The following PIK3R1 variants were observed in gnomAD, a reference collection of about 807,000 sequenced individuals.
PIK3R1 encodes phosphoinositide-3-kinase regulatory subunit 1.
In PIK3R1, 29 loss-of-function variants were observed where a neutral mutation model predicts 98.0. The observed-to-expected ratio is 0.30, with a 90% confidence interval of 0.22 to 0.40. PIK3R1 has a LOEUF of 0.40. Among genes scored for constraint, PIK3R1 ranks in the 10% least tolerant of loss-of-function variants. The pLI is 1.00. For synonymous variants in PIK3R1, 282 were observed against 311.8 expected, an observed-to-expected ratio of 0.90 and a Z score of 1.01; for missense variants, 596 against 872.7, an observed-to-expected ratio of 0.68 and a Z score of 3.99.
rs758102357 is a variant in PIK3R1 at position 68,293,161 on chromosome 5, G to A, written c.1080G>A (p.Ala360=). 2.5e-5 allele frequency: 40 copies of A among 1,613,756 alleles called. No homozygotes were observed. The highest frequency in any genetic ancestry group is 6.6e-5 in the South Asian group (6 of 91,050). ...TADGTFLVRD[A]STKMHGDYTL... ...ACGGGACCTTTTTGGTACGAGATGC[G>A]TCTACTAAAATGCATGGTGATTATA... Residue 360 remains alanine (A), a synonymous_variant, in exon 9 of 16, where the codon GCG becomes GCA. Coordinates refer to ENST00000521381, the MANE Select transcript of PIK3R1 (RefSeq NM_181523.3).
chr5:68,280,899 G>C (rs780162822), intron 6 of PIK3R1, 28 bp from the exon 7 acceptor site: 18 of 1,487,188 alleles, frequency 1.2e-5, no homozygotes, highest in African/African-American at 2.8e-5. Flanking sequence ...TTAGGGAAAA[G>C]GTTTCTAATA....
chr5:68,293,291 T>C lies in PIK3R1; in HGVS notation c.1119-12T>C. 6.2e-7 allele frequency: 1 copy of C among 1,605,394 alleles called. No homozygotes were observed. The highest frequency in any genetic ancestry group is 8.5e-7 in the Non-Finnish European group (1 of 1,173,600). On this transcript the variant is annotated splice_polypyrimidine_tract_variant and intron_variant, in intron 9 of 15. Transcript: ENST00000521381. ...AAATGTTAATACCTTTATTTTTATA[T>C]TGTTTTTACAGGAAAGGGGGAAATA...
intron 8 of PIK3R1, chr5:68,292,637 CTCTA>C (rs1747457815): frequency 4.3e-6 from 6 of 1,394,382 alleles, no homozygotes; most frequent in Middle Eastern, 2.2e-4. Context: ...TGTGAAGGCA[CTCTA>C]TCTATTAAGC....
chr5:68,223,169 A>C (rs996361740), intron 1 of PIK3R1, among the ~76,000 whole-genome samples: 2 of 145,082 alleles, frequency 1.4e-5, no homozygotes, highest in African/African-American at 5.3e-5. Flanking sequence ...CATCATCATC[A>C]CCCAATACTT....
At chr5:68,263,085 A>G (rs1369906343) in intron 2 of PIK3R1, among the ~76,000 whole-genome samples, 1 of 140,166 alleles carries the variant, frequency 7.1e-6, no homozygotes, top group African/African-American at 2.6e-5. Flanking sequence ...ACATATATAC[A>G]TGTAGATACA....
Position 68,215,814 on chromosome 5 carries a change from T to C in PIK3R1, c.-522T>C. ...AGCGGCAGCGGCGAGGGCGGCAGGC[T>C]AGCTGTCGGAGACGGCAAGCACGGA... On this transcript the variant is annotated 5_prime_UTR_variant, in exon 1 of 16. Transcript: ENST00000521381. 6.6e-6 allele frequency: 1 copy of C among 152,650 alleles called. No homozygotes were observed. Among genetic ancestry groups the C allele is most frequent in the Non-Finnish European group, 1.5e-5 (1 of 68,526 alleles). The allele number at this position is 152,650 out of a possible 1,614,324, so 9.5% of individuals were successfully genotyped here. A position where few individuals can be genotyped will look rare whatever the true frequency, so the allele number is the denominator to read the frequency against.
rs1743988813 is a variant in PIK3R1 at position 68,218,713 on chromosome 5, T to A, written c.-387+2764T>A. Among the ~76,000 whole-genome samples, 3 of 152,236 alleles carry A rather than the reference T, an allele frequency of 2.0e-5. No homozygotes were observed. In the South Asian group the frequency reaches 6.2e-4, roughly 32 times the overall value. On this transcript the variant is annotated intron_variant, in intron 1 of 15. Coordinates refer to ENST00000521381, the MANE Select transcript of PIK3R1 (RefSeq NM_181523.3). ...CATACACAATGCAAAAGATATTGTA[T>A]GTTTCATATGAGCTCCTCCAGCTCT...
At position 68,226,516 on chromosome 5, in the gene PIK3R1, C is replaced by A; in HGVS notation, c.-160C>A. ...ACAGATGGACAGCCGTATGGCCAGT[C>A]ACCTCTCCTCTTAAACCTTTGGAGA... On this transcript the variant is annotated 5_prime_UTR_variant, in exon 2 of 16. Transcript: ENST00000521381. 1.6e-6 allele frequency: 1 copy of A among 609,426 alleles called. No homozygotes were observed. The highest frequency in any genetic ancestry group is 2.9e-6 in the Non-Finnish European group (1 of 350,356). The allele number at this position is 609,426 out of a possible 1,614,324, so 37.8% of individuals were successfully genotyped here.
At chr5:68,250,208 G>A (rs560259232) in intron 2 of PIK3R1, among the ~76,000 whole-genome samples, 1 of 152,332 alleles carries the variant, frequency 6.6e-6, no homozygotes, top group African/African-American at 2.4e-5. Context: ...AGGAGCTTAG[G>A]CTTCACTGCC....
Position 68,298,056 on chromosome 5 carries a change from T to C in PIK3R1, c.*455T>C, listed in dbSNP as rs1747831862. 4.3e-6 allele frequency: 1 copy of C among 233,088 alleles called. No homozygotes were observed. The highest frequency in any genetic ancestry group is 1.8e-4 in the South Asian group (1 of 5,604). 14.4% of individuals were successfully genotyped at this position (233,088 alleles called of 1,614,324 possible). A position where few individuals can be genotyped will look rare whatever the true frequency, so the allele number is the denominator to read the frequency against. On this transcript the variant is annotated 3_prime_UTR_variant, in exon 16 of 16. Transcript: ENST00000521381. ...GGTCCAGCCTGGTTTAGCCTGGATG[T>C]TGCTGTGCACGGTGGACCCAGACAC... is the stretch of plus-strand genomic sequence containing the variant.
At chr5:68,257,048 C>T (rs1398808736) in intron 2 of PIK3R1, among the ~76,000 whole-genome samples, 1 of 152,212 alleles carries the variant, frequency 6.6e-6, no homozygotes, top group Non-Finnish European at 1.5e-5. Flanking sequence ...AACCCAGGAC[C>T]TTTCATGGTC....
chr5:68,264,075 C>G (rs568336826), intron 2 of PIK3R1, among the ~76,000 whole-genome samples: 1 of 152,288 alleles, frequency 6.6e-6, no homozygotes, highest in South Asian at 2.1e-4. Flanking sequence ...CTATATTTAG[C>G]TGGATAAAAC....
intron 7 of PIK3R1, chr5:68,290,852 T>TGG: frequency 1.3e-6 from 2 of 1,494,706 alleles, no homozygotes; most frequent in Non-Finnish European, 9.2e-7. Flanking sequence ...TGCAGTATTA[T>TGG]TGTAGAGAGT....
At chr5:68,273,744 T>C (rs1018054435) in intron 3 of PIK3R1, 195 bp from the exon 4 acceptor site, 73 of 613,992 alleles carry the variant, frequency 1.2e-4, no homozygotes, top group Admixed American at 1.7e-4. Flanking sequence ...ACTTTCTTCT[T>C]AGAGGCCAGA....
intron 7 of PIK3R1, among the ~76,000 whole-genome samples, chr5:68,290,246 CTT>C (rs1457440074): frequency 6.6e-6 from 1 of 152,170 alleles, no homozygotes; most frequent in African/African-American, 2.4e-5. Flanking sequence ...TAAAACATAA[CTT>C]AAGTATACCC....
intron 9 of PIK3R1, 31 bp from the exon 10 acceptor site, chr5:68,293,272 T>TAATACCTTTATTTTTA: frequency 6.3e-7 from 1 of 1,598,822 alleles, no homozygotes; most frequent in Non-Finnish European, 8.6e-7. Flanking sequence ...TCCAAAATGT[T>TAATACCTTTATTTTTA]AATACCTTTA....
intron 4 of PIK3R1, among the ~76,000 whole-genome samples, chr5:68,278,696 C>T (rs2112184847): frequency 6.6e-6 from 1 of 152,230 alleles, no homozygotes; most frequent in East Asian, 1.9e-4. Context: ...AATCCCAGCA[C>T]TTTGGGAGGC....
At chr5:68,230,080 G>A (rs1744413281) in intron 2 of PIK3R1, among the ~76,000 whole-genome samples, 1 of 152,134 alleles carries the variant, frequency 6.6e-6, no homozygotes, top group Admixed American at 6.5e-5. Context: ...TTCCACCTTT[G>A]GAGCTGTGCT....
At chr5:68,281,419 A>T (rs1746831732) in intron 7 of PIK3R1, among the ~76,000 whole-genome samples, 2 of 152,190 alleles carry the variant, frequency 1.3e-5, no homozygotes, top group Non-Finnish European at 2.9e-5. Context: ...GTATGCTGAG[A>T]AATGCCTGTC....
Sources: allele counts gnomAD v4.1 joint callset (sites outside exome capture counted in the v4.1 genomes callset), GRCh38; gene constraint gnomAD v4.1.1; transcripts MANE v1.5; gene names NCBI Gene and HGNC (gene_info 2026-07-23, HGNC 2026-07-21).